PDE10A: variants seen among roughly 807,000 people sequenced by gnomAD.
PDE10A encodes cAMP and cAMP-inhibited cGMP 3',5'-cyclic phosphodiesterase 10A.
In PDE10A, 39 loss-of-function variants were observed where a neutral mutation model predicts 97.7. That is an observed-to-expected ratio of 0.40 (90% CI 0.31 to 0.52). The LOEUF (loss-of-function observed/expected upper bound fraction) is 0.52. PDE10A is among the 20% of genes least tolerant of loss of function. PDE10A has a pLI of 0.56. For missense variants in PDE10A, 731 were observed against 1,047.8 expected (o/e 0.70, Z 4.17); for synonymous variants, 371 against 376.8 (o/e 0.98, Z 0.18).
intron 1 of PDE10A, among the ~76,000 whole-genome samples, chr6:165,580,038 A>G (rs1406004449): frequency 6.6e-6 from 1 of 152,126 alleles, no homozygotes; most frequent in Non-Finnish European, 1.5e-5. Flanking sequence ...CGAATATCCT[A>G]CATAATTTAC....
chr6:165,422,791 T>C (rs1240197166), intron 10 of PDE10A, among the ~76,000 whole-genome samples: 2 of 152,052 alleles, frequency 1.3e-5, no homozygotes, highest in African/African-American at 4.8e-5. Flanking sequence ...AAGAAATCAT[T>C]AAAACTATAC....
chr6:165,339,534 GTACTTTATCCTGA>G (rs1260395149), intron 19 of PDE10A, among the ~76,000 whole-genome samples, 176 bp from the exon 20 acceptor site: 3 of 152,098 alleles, frequency 2.0e-5, no homozygotes, highest in Non-Finnish European at 4.4e-5. Flanking sequence ...TCATTATTTT[GTACTTTATCCTGA>G]TTTTCTCCAC....
intron 1 of PDE10A, among the ~76,000 whole-genome samples, chr6:165,678,257 C>T (rs369332594): frequency 3.7e-4 from 2 of 5,472 alleles, no homozygotes; most frequent in South Asian, 5.6e-3. Context: ...GAATGTGTAT[C>T]GGTGTGTCTG....
chr6:165,896,179 G>C (rs2461721), intron 1 of PDE10A, among the ~76,000 whole-genome samples: 7,789 of 152,118 alleles, frequency 0.051, 227 homozygotes, highest in Middle Eastern at 0.058. Context: ...ACTGCATCTT[G>C]CTGGAGTTGT....
At chr6:165,934,069 C>T (rs80163440) in intron 1 of PDE10A, among the ~76,000 whole-genome samples, 4 of 151,420 alleles carry the variant, frequency 2.6e-5, no homozygotes, top group African/African-American at 9.7e-5. Context: ...CTGCAACCTC[C>T]GCTTCCCAGG....
chr6:165,469,958 G>A (rs1778890271), intron 3 of PDE10A, among the ~76,000 whole-genome samples: 1 of 152,262 alleles, frequency 6.6e-6, no homozygotes, highest in East Asian at 1.9e-4. Context: ...ACTCCTCCTT[G>A]TGCTTTCCGT....
rs765295519 is a variant in PDE10A at position 165,396,343 on chromosome 6, G to A, written c.2193C>T (p.Pro731=). The change falls in exon 14 of 22, where the codon CCC becomes CCT. Residue 731 remains proline (P), a synonymous_variant. Transcript: ENST00000539869. The part of the protein sequence containing the change: ...EWQGLMQFTL[P]VRLCKEIELF... ...ATTCAATTTCTTTGCAGAGACGCAC[G>A]GGAAGGGTGAATTGCATGAGACCTT... is the stretch of plus-strand genomic sequence containing the variant. 1.5e-5 allele frequency: 24 copies of A among 1,612,942 alleles called. No homozygotes were observed. The highest frequency in any genetic ancestry group is 1.3e-4 in the East Asian group (6 of 44,844).
rs1297907181 is a variant in PDE10A at position 165,818,332 on chromosome 6, AGTGTCTGCAAACCTGGCTACCGAG to A, written c.-615+169173_-615+169196del. On this transcript the variant is annotated intron_variant, in intron 1 of 19. Coordinates refer to the PDE10A transcript ENST00000366882. ...TGACACTAAACTTAAAACCATGTTA[AGTGTCTGCAAACCTGGCTACCGAG>A]GTTGGTTTCCTCTGTGCTAGTGGGT... 2.0e-5 allele frequency among the ~76,000 whole-genome samples: 3 copies of A among 152,354 alleles called. 1 individual carries two copies.
chr6:165,602,581 C>G (rs1259843581), intron 1 of PDE10A, among the ~76,000 whole-genome samples: 1 of 152,152 alleles, frequency 6.6e-6, no homozygotes, highest in Non-Finnish European at 1.5e-5. Flanking sequence ...TGTACAGGCC[C>G]CTTCCAAGGT....
intron 1 of PDE10A, among the ~76,000 whole-genome samples, chr6:165,777,296 G>A (rs1778213547): frequency 6.6e-6 from 1 of 152,230 alleles, no homozygotes; most frequent in East Asian, 1.9e-4. Context: ...CTTTGAGGGA[G>A]AACAGACAAA....
At chr6:165,899,827 T>A (rs555701930) in intron 1 of PDE10A, among the ~76,000 whole-genome samples, 1 of 152,362 alleles carries the variant, frequency 6.6e-6, no homozygotes, top group East Asian at 1.9e-4. Flanking sequence ...CAGAATCAAC[T>A]GCAGCCACCT....
Position 165,876,929 on chromosome 6 carries a change from C to T in PDE10A, c.-615+110600G>A, listed in dbSNP as rs112796963. Among the ~76,000 whole-genome samples the T allele has an allele frequency of 1.8e-3, 273 of 152,282 alleles. 1 individual carries two copies. Among genetic ancestry groups the T allele is most frequent in the African/African-American group, 6.3e-3 (260 of 41,552 alleles). On this transcript the variant is annotated intron_variant, in intron 1 of 19. Coordinates refer to the PDE10A transcript ENST00000366882. Reference sequence around the variant, plus strand: ...CAAATTCCGACTGAAATGCACCATCCACAGAATTTCTAAGTAGTCACACTG... The same window carrying T: ...CAAATTCCGACTGAAATGCACCATCTACAGAATTTCTAAGTAGTCACACTG...
chr6:165,758,933 C>A (rs577175694), intron 1 of PDE10A, among the ~76,000 whole-genome samples: 2 of 152,070 alleles, frequency 1.3e-5, no homozygotes, highest in Non-Finnish European at 2.9e-5. Context: ...ATTTGCTTAC[C>A]GAAAAATGAA....
intron 18 of PDE10A, among the ~76,000 whole-genome samples, chr6:165,350,177 T>C (rs996738125): frequency 1.3e-5 from 2 of 152,144 alleles, no homozygotes. Context: ...TGCCAGCCCA[T>C]GCAAGCAGCC....
At chr6:165,433,174 C>T in intron 6 of PDE10A, 45 bp from the exon 7 acceptor site, 1 of 1,415,480 alleles carries the variant, frequency 7.1e-7, no homozygotes, top group South Asian at 1.2e-5. Context: ...GTGAAATGAT[C>T]ATTAAGTGAT....
At chr6:165,549,619 C>T (rs1191909025) in intron 1 of PDE10A, among the ~76,000 whole-genome samples, 2 of 152,158 alleles carry the variant, frequency 1.3e-5, no homozygotes, top group African/African-American at 4.8e-5. Context: ...CCACCATGCG[C>T]GGCTGCATTA....
At chr6:165,732,021 T>C (rs1463384725) in intron 1 of PDE10A, among the ~76,000 whole-genome samples, 2 of 152,230 alleles carry the variant, frequency 1.3e-5, no homozygotes, top group African/African-American at 2.4e-5. Context: ...TACCCAGCCC[T>C]GTCACTGGAT....
intron 1 of PDE10A, among the ~76,000 whole-genome samples, chr6:165,640,003 G>C (rs1260203361): frequency 6.6e-6 from 1 of 151,728 alleles, no homozygotes; most frequent in African/African-American, 2.4e-5. Context: ...CCAGGAGGTT[G>C]AGGCTGCAGT....
In PDE10A at chr6:165,331,266, CTT is replaced by C. The variant is rs1781325511; in HGVS notation, c.*1757_*1758del. On this transcript the variant is annotated 3_prime_UTR_variant, in exon 22 of 22. Transcript: ENST00000539869. ...TCTAGCCACAGTGGTACTTCTCTCT[CTT>C]TTGTTATTACATTTTACCTCATAGT... The C allele has an allele frequency of 6.6e-6, 1 of 152,148 alleles. No individual in the cohort carries two copies. The highest frequency in any genetic ancestry group is 1.5e-5 in the Non-Finnish European group (1 of 68,018). The allele number at this position is 152,148 out of a possible 1,614,324, so 9.4% of individuals were successfully genotyped here.
Sources: allele counts gnomAD v4.1 joint callset (sites outside exome capture counted in the v4.1 genomes callset), GRCh38; gene constraint gnomAD v4.1.1; transcripts MANE v1.5; gene names NCBI Gene and HGNC (gene_info 2026-07-23, HGNC 2026-07-21).